MEGF9: variants seen among roughly 807,000 people sequenced by gnomAD.
MEGF9 encodes the protein multiple EGF like domains 9.
MEGF9 carries 6 observed loss-of-function variants against 46.8 expected under a neutral mutation model. The ratio of observed to expected loss-of-function variants is 0.13; its 90% confidence interval spans 0.07 to 0.25. The LOEUF (loss-of-function observed/expected upper bound fraction) is 0.25, where lower values mean the gene tolerates loss of function less well. Among genes scored for constraint, MEGF9 ranks in the 10% least tolerant of loss-of-function variants. MEGF9 has a pLI of 1.00. For synonymous variants in MEGF9, 302 were observed against 330.7 expected, an observed-to-expected ratio of 0.91 and a Z score of 0.94; for missense variants, 683 against 792.4, an observed-to-expected ratio of 0.86 and a Z score of 1.66.
chr9:120,662,909 G>A (rs974232601), intron 1 of MEGF9, among the ~76,000 whole-genome samples: 3 of 152,128 alleles, frequency 2.0e-5, no homozygotes, highest in African/African-American at 4.8e-5. Context: ...AGAATAAGAC[G>A]ATATTCTACT....
chr9:120,664,559 C>T (rs1267074281), intron 1 of MEGF9, among the ~76,000 whole-genome samples: 5 of 152,176 alleles, frequency 3.3e-5, no homozygotes. Context: ...AACAATACTG[C>T]TGGTAAACTA....
At chr9:120,621,257 T>C (rs1046950255) in intron 3 of MEGF9, among the ~76,000 whole-genome samples, 2 of 152,244 alleles carry the variant, frequency 1.3e-5, no homozygotes, top group African/African-American at 2.4e-5. Context: ...CAGATATTAC[T>C]GGGATCCAGT....
At chr9:120,642,895 T>C (rs1402069852) in intron 2 of MEGF9, among the ~76,000 whole-genome samples, 2 of 152,228 alleles carry the variant, frequency 1.3e-5, no homozygotes, top group East Asian at 1.9e-4. Context: ...CTGTAGTGTA[T>C]GTAGAAAACC....
chr9:120,662,665 T>C lies in MEGF9; in HGVS notation c.602-3090A>G, dbSNP rs1044929710. On this transcript the variant is annotated intron_variant, in intron 1 of 5. Coordinates refer to ENST00000373930, the MANE Select transcript of MEGF9 (RefSeq NM_001080497.3). ...TCCCAATACTTAAGCTGGAAGTGCT[T>C]TGGAGTATTGCAATAATTAATACAA... Among the ~76,000 whole-genome samples the C allele has an allele frequency of 2.6e-5, 4 of 152,314 alleles. No individual in the cohort carries two copies. In the South Asian group the frequency reaches 8.3e-4, roughly 32 times the overall value.
At chr9:120,632,902 G>A (rs2043556993) in intron 2 of MEGF9, among the ~76,000 whole-genome samples, 1 of 152,116 alleles carries the variant, frequency 6.6e-6, no homozygotes, top group East Asian at 1.9e-4. Context: ...TTATTGATTT[G>A]CATGTGTTGA....
At chr9:120,607,619 A>G in intron 5 of MEGF9, 122 bp downstream of exon 5, 2 of 1,074,060 alleles carry the variant, frequency 1.9e-6, no homozygotes, top group Non-Finnish European at 2.7e-6. Flanking sequence ...TCTTTAGGCA[A>G]ATATCTATCA....
At chr9:120,671,066 G>A (rs577352838) in intron 1 of MEGF9, among the ~76,000 whole-genome samples, 55 of 152,180 alleles carry the variant, frequency 3.6e-4, no homozygotes, top group South Asian at 1.7e-3. Flanking sequence ...CAAAACAATA[G>A]CCTTCTCAGG....
intron 1 of MEGF9, among the ~76,000 whole-genome samples, chr9:120,664,381 G>A (rs899969191): frequency 3.9e-5 from 6 of 152,142 alleles, no homozygotes; most frequent in African/African-American, 1.4e-4. Flanking sequence ...TCATTTCTGA[G>A]TGCTAAAATT....
rs767300944 is a variant in MEGF9 at position 120,607,871 on chromosome 9, A to C, written c.1227T>G (p.Val409=). Residue 409 remains valine, a synonymous_variant, in exon 5 of 6, where the codon GTT becomes GTG. Coordinates refer to ENST00000373930, the MANE Select transcript of MEGF9 (RefSeq NM_001080497.3). ...KCQCHGHVDP[V]KTPKICKPES... is the part of the protein sequence containing the mutation. ...CGGGCTTACAAATCTTTGGAGTTTTAACTGGGTCCACATGGCCGTGACATT... is the reference window on the plus strand; with the variant it reads ...CGGGCTTACAAATCTTTGGAGTTTTCACTGGGTCCACATGGCCGTGACATT... The C allele has an allele frequency of 2.7e-5, 43 of 1,613,912 alleles. No individual in the cohort carries two copies. In the East Asian group the frequency reaches 8.9e-4, roughly 33 times the overall value.
chr9:120,674,001 T>C (rs2043762048), intron 1 of MEGF9, among the ~76,000 whole-genome samples: 1 of 148,178 alleles, frequency 6.7e-6, no homozygotes, highest in African/African-American at 2.5e-5. Flanking sequence ...TAACTCAACA[T>C]GGATCATAGC....
chr9:120,646,517 G>A (rs1445534056), intron 2 of MEGF9, among the ~76,000 whole-genome samples: 1 of 152,068 alleles, frequency 6.6e-6, no homozygotes, highest in Admixed American at 6.6e-5. Context: ...ACTTCTGTAT[G>A]TCTAAATCCT....
chr9:120,649,487 G>T (rs892096419), intron 2 of MEGF9, among the ~76,000 whole-genome samples: 6 of 152,156 alleles, frequency 3.9e-5, no homozygotes, highest in African/African-American at 9.7e-5. Context: ...GAGTGTGGCG[G>T]GGTGTGTGAA....
intron 1 of MEGF9, among the ~76,000 whole-genome samples, chr9:120,687,732 C>T (rs562427100): frequency 7.2e-6 from 1 of 139,168 alleles, no homozygotes; most frequent in Non-Finnish European, 1.5e-5. Context: ...ATGCATGGCA[C>T]CAAATTCAGG....
chr9:120,618,771 G>GA (rs2043483758), intron 3 of MEGF9, among the ~76,000 whole-genome samples: 1 of 151,826 alleles, frequency 6.6e-6, no homozygotes, highest in East Asian at 1.9e-4. Context: ...GTGATGGTGG[G>GA]CGCCTGTAAT....
chr9:120,611,853 A>AAGGG (rs1564411669), intron 4 of MEGF9, among the ~76,000 whole-genome samples: 18 of 139,788 alleles, frequency 1.3e-4, no homozygotes, highest in African/African-American at 4.3e-4. Flanking sequence ...GGAAGGAAGG[A>AAGGG]AGGAAGGAAG....
chr9:120,658,282 C>T (rs564051088), intron 2 of MEGF9, among the ~76,000 whole-genome samples: 7 of 152,336 alleles, frequency 4.6e-5, no homozygotes, highest in African/African-American at 1.7e-4. Context: ...CCACCGCGCC[C>T]AGCCTCTTCT....
chr9:120,684,305 A>C (rs2043811767), intron 1 of MEGF9, among the ~76,000 whole-genome samples: 1 of 152,244 alleles, frequency 6.6e-6, no homozygotes, highest in Admixed American at 6.5e-5. Context: ...AAACACTCCA[A>C]GGTCGAAAAT....
chr9:120,606,838 T>C (rs1225588729), intron 5 of MEGF9, among the ~76,000 whole-genome samples: 2 of 152,190 alleles, frequency 1.3e-5, no homozygotes, highest in African/African-American at 4.8e-5. Context: ...ATGAAAGCCA[T>C]ATCAATTTAT....
At chr9:120,706,804 C>A (rs2043931222) in intron 1 of MEGF9, among the ~76,000 whole-genome samples, 1 of 152,094 alleles carries the variant, frequency 6.6e-6, no homozygotes, top group Non-Finnish European at 1.5e-5. Context: ...CACCGCACTC[C>A]AGCCCGGGAC....
Sources: gnomAD v4.1 joint callset for allele counts (sites outside exome capture counted in the v4.1 genomes callset) on GRCh38, gnomAD v4.1.1 for gene constraint, MANE v1.5 for transcripts, NCBI Gene and HGNC (gene_info 2026-07-23, HGNC 2026-07-21) for gene names.